The following SDK1 variants were observed in gnomAD, a reference collection of about 807,000 sequenced individuals.
The protein encoded by SDK1 is protein sidekick-1.
A neutral mutation model predicts 245.5 loss-of-function variants in SDK1; 157 were observed. That is an observed-to-expected ratio of 0.64 (90% confidence interval 0.56 to 0.73). SDK1 has a LOEUF of 0.73. Ranked by LOEUF, SDK1 falls within the 30% of genes least tolerant of loss-of-function variation. The pLI, the probability that SDK1 is intolerant of heterozygous loss-of-function variation, is 0.00. For missense variants in SDK1, 3,583 were observed against 3,002.3 expected, an observed-to-expected ratio of 1.19 and a Z score of -4.52; for synonymous variants, 1,647 against 1,278.5, an observed-to-expected ratio of 1.29 and a Z score of -6.15.
intron 17 of SDK1, among the ~76,000 whole-genome samples, chr7:4,018,954 G>A (rs1176696644): frequency 1.3e-5 from 2 of 152,194 alleles, no homozygotes; most frequent in East Asian, 1.9e-4. Context: ...AGAAGAGATA[G>A]GGATGTAAGT....
Position 4,139,465 on chromosome 7 carries a change from ATATG to A in SDK1, c.4229-6255_4229-6252del, listed in dbSNP as rs1162695890. ...TGTGTATATGTGTGTGTATATGTAT[ATATG>A]TGTGTGTATATGTGTGTGTATATAT... On this transcript the variant is annotated intron_variant, in intron 28 of 44. Transcript: ENST00000404826. Among the ~76,000 whole-genome samples, 4 of 142,214 alleles carry A rather than the reference ATATG, an allele frequency of 2.8e-5. 1 individual carries two copies. The highest frequency in any genetic ancestry group is 1.0e-4 in the African/African-American group (4 of 38,174). 93.3% of individuals were successfully genotyped at this position (142,214 alleles called of 152,430 possible).
chr7:3,954,831 C>A (rs1781129712), intron 7 of SDK1, among the ~76,000 whole-genome samples: 1 of 151,682 alleles, frequency 6.6e-6, no homozygotes, highest in Non-Finnish European at 1.5e-5. Flanking sequence ...GCTTTAGTTG[C>A]TGTTGGCATA....
At chr7:3,743,799 G>C (rs1393628088) in intron 4 of SDK1, among the ~76,000 whole-genome samples, 1 of 152,052 alleles carries the variant, frequency 6.6e-6, no homozygotes, top group Non-Finnish European at 1.5e-5. Context: ...AAAAACTTCT[G>C]CTTGGATATC....
intron 1 of SDK1, among the ~76,000 whole-genome samples, chr7:3,618,444 C>G (rs1049720219): frequency 6.6e-6 from 1 of 152,182 alleles, no homozygotes. Flanking sequence ...TGGCTTCTTT[C>G]ACTCGGCTTG....
At chr7:3,461,200 G>A (rs756768557) in intron 1 of SDK1, among the ~76,000 whole-genome samples, 31 of 152,042 alleles carry the variant, frequency 2.0e-4, no homozygotes, top group Non-Finnish European at 3.7e-4. Flanking sequence ...TACCTTAGGC[G>A]GTCTTACTGT....
Position 4,172,299 on chromosome 7 carries a change from G to C in SDK1, c.4801-1923G>C, listed in dbSNP as rs189886497. Among the ~76,000 whole-genome samples, 185 of 152,284 alleles carry C rather than the reference G, an allele frequency of 1.2e-3. 1 individual carries two copies. The highest frequency in any genetic ancestry group is 4.3e-3 in the African/African-American group (179 of 41,566). ...TTGGAAAACCTCCTGAGTCTGCCGG[G>C]TACACACGGTGCCCCTCTGGCATGT... On this transcript the variant is annotated intron_variant, in intron 32 of 44. Coordinates refer to ENST00000404826, the MANE Select transcript of SDK1 (RefSeq NM_152744.4).
intron 5 of SDK1, among the ~76,000 whole-genome samples, chr7:3,923,525 G>A (rs1779664944): frequency 6.6e-6 from 1 of 152,232 alleles, no homozygotes; most frequent in African/African-American, 2.4e-5. Context: ...GACTGGCAGT[G>A]TGGGCATCCC....
intron 2 of SDK1, among the ~76,000 whole-genome samples, chr7:3,633,091 A>C (rs1039507769): frequency 6.6e-6 from 1 of 151,912 alleles, no homozygotes; most frequent in Admixed American, 6.5e-5. Context: ...TTTTCATTTT[A>C]AGGATAAGAA....
chr7:3,379,878 A>G (rs1781443429), intron 1 of SDK1, among the ~76,000 whole-genome samples: 4 of 152,174 alleles, frequency 2.6e-5, no homozygotes, highest in African/African-American at 9.7e-5. Flanking sequence ...GTATTTTTCT[A>G]TTTGGGATGC....
chr7:3,808,550 G>C (rs1050936672), intron 4 of SDK1, among the ~76,000 whole-genome samples: 1 of 152,218 alleles, frequency 6.6e-6, no homozygotes, highest in African/African-American at 2.4e-5. Context: ...CCGTGAGGCA[G>C]AAGAGACATG....
At chr7:3,579,261 C>T (rs765694683) in intron 1 of SDK1, among the ~76,000 whole-genome samples, 3 of 149,676 alleles carry the variant, frequency 2.0e-5, no homozygotes, top group African/African-American at 2.4e-5. Flanking sequence ...CCTTGATGAA[C>T]GTTGATGGAA....
At chr7:3,806,080 G>C (rs1779235820) in intron 4 of SDK1, among the ~76,000 whole-genome samples, 1 of 152,176 alleles carries the variant, frequency 6.6e-6, no homozygotes, top group Admixed American at 6.5e-5. Context: ...GCAAATGCTT[G>C]GCTTGTAGCC....
chr7:4,000,909 G>C (rs1420249172), intron 14 of SDK1, among the ~76,000 whole-genome samples: 1 of 152,084 alleles, frequency 6.6e-6, no homozygotes, highest in Non-Finnish European at 1.5e-5. Flanking sequence ...TGTCAGAGGT[G>C]TTTATGAAGG....
At chr7:4,007,739 G>A (rs942335694) in intron 14 of SDK1, among the ~76,000 whole-genome samples, 2 of 152,000 alleles carry the variant, frequency 1.3e-5, no homozygotes, top group African/African-American at 2.4e-5. Flanking sequence ...GAGTAGCTGC[G>A]ATTACAGGCA....
At chr7:3,581,487 C>A (rs1190022701) in intron 1 of SDK1, among the ~76,000 whole-genome samples, 1 of 152,056 alleles carries the variant, frequency 6.6e-6, no homozygotes, top group East Asian at 1.9e-4. Flanking sequence ...CATTAAAAGT[C>A]AAAAAATAAC....
chr7:3,958,151 AAATT>A (rs1397936243), intron 7 of SDK1: 4 of 360,736 alleles, frequency 1.1e-5, no homozygotes, highest in Middle Eastern at 4.2e-4. Context: ...CAGTTCCCAG[AAATT>A]AATTATCGCA....
chr7:3,713,443 A>G (rs1278171070), intron 4 of SDK1, among the ~76,000 whole-genome samples: 2 of 152,312 alleles, frequency 1.3e-5, no homozygotes, highest in East Asian at 3.9e-4. Context: ...TGACTGCTAC[A>G]CATTTTCCCT....
intron 20 of SDK1, among the ~76,000 whole-genome samples, chr7:4,070,290 C>T (rs1362907821): frequency 6.6e-6 from 1 of 152,204 alleles, no homozygotes; most frequent in African/African-American, 2.4e-5. Context: ...CCCTCATTTC[C>T]CGGTTCACTT....
At chr7:3,839,348 G>A (rs556881284) in intron 5 of SDK1, among the ~76,000 whole-genome samples, 52 of 152,250 alleles carry the variant, frequency 3.4e-4, no homozygotes, top group South Asian at 6.2e-4. Flanking sequence ...ATCCCCTTGC[G>A]AGCCAGAGAG....
Sources: gnomAD v4.1 joint callset for allele counts (sites outside exome capture counted in the v4.1 genomes callset) on GRCh38, gnomAD v4.1.1 for gene constraint, MANE v1.5 for transcripts, NCBI Gene and HGNC (gene_info 2026-07-23, HGNC 2026-07-21) for gene names.